Variants in GRID2 observed in about 807,000 individuals in gnomAD.
GRID2 encodes glutamate receptor ionotropic, delta-2.
In GRID2, 33 loss-of-function variants were observed where a neutral mutation model predicts 114.8. The ratio of observed to expected loss-of-function variants is 0.29; its 90% CI spans 0.22 to 0.38. The LOEUF is 0.38. GRID2 is among the 10% of genes least tolerant of loss of function. GRID2 has a pLI of 1.00. For missense variants in GRID2, 1,184 were observed against 1,257.7 expected, an observed-to-expected ratio of 0.94 and a Z score of 0.89; for synonymous variants, 505 against 449.9, an observed-to-expected ratio of 1.12 and a Z score of -1.55.
chr4:93,584,699 C>T (rs1279412155), intron 13 of GRID2, among the ~76,000 whole-genome samples: 1 of 152,064 alleles, frequency 6.6e-6, no homozygotes, highest in African/African-American at 2.4e-5. Flanking sequence ...ATGATACCAT[C>T]CATTTGCTCC....
chr4:93,545,393 C>A (rs1400877131), intron 13 of GRID2, among the ~76,000 whole-genome samples: 3 of 152,040 alleles, frequency 2.0e-5, no homozygotes, highest in Admixed American at 2.0e-4. Flanking sequence ...GTCAGAGAGA[C>A]CAACAAGTTC....
chr4:93,573,626 T>G (rs1470415404), intron 13 of GRID2, among the ~76,000 whole-genome samples: 3 of 152,188 alleles, frequency 2.0e-5, no homozygotes, highest in Non-Finnish European at 4.4e-5. Flanking sequence ...TTGCTGCTGC[T>G]GGACTTTTTA....
intron 2 of GRID2, among the ~76,000 whole-genome samples, chr4:92,749,475 T>C (rs967296704): frequency 1.3e-5 from 2 of 151,400 alleles, no homozygotes; most frequent in Non-Finnish European, 2.9e-5. Flanking sequence ...CCACCACACC[T>C]GGCTAATTTT....
Position 93,159,204 on chromosome 4 carries a change from T to C in GRID2, c.736-48200T>C, listed in dbSNP as rs535354999. On this transcript the variant is annotated intron_variant, in intron 4 of 15. Transcript: ENST00000282020. ...GCTTGAGGAAATAGATGATTGTACT[T>C]GTACTGGTCAAATTACTAAAGAATC... Among the ~76,000 whole-genome samples the C allele has an allele frequency of 2.0e-5, 3 of 151,838 alleles. No homozygotes were observed. The South Asian group carries it at 6.2e-4, about 31-fold the overall frequency.
intron 2 of GRID2, among the ~76,000 whole-genome samples, chr4:92,812,595 T>A (rs1294717407): frequency 6.6e-6 from 1 of 152,114 alleles, no homozygotes; most frequent in Admixed American, 6.6e-5. Context: ...TACCCCTGTT[T>A]TAATAAAGCA....
intron 4 of GRID2, among the ~76,000 whole-genome samples, chr4:93,150,140 G>A (rs75734637): frequency 0.057 from 8,732 of 152,128 alleles, 714 homozygotes; most frequent in African/African-American, 0.18. Flanking sequence ...AACTCATCTG[G>A]TCAGTTAATG....
At chr4:92,636,281 G>A (rs938850846) in intron 2 of GRID2, among the ~76,000 whole-genome samples, 5 of 151,086 alleles carry the variant, frequency 3.3e-5, no homozygotes, top group African/African-American at 1.2e-4. Flanking sequence ...CTGTCGCAGG[G>A]TGACATAGTA....
At chr4:92,915,754 C>T (rs1419976668) in intron 2 of GRID2, among the ~76,000 whole-genome samples, 1 of 152,050 alleles carries the variant, frequency 6.6e-6, no homozygotes, top group Non-Finnish European at 1.5e-5. Flanking sequence ...TAATAGTAGC[C>T]ATTCTGTCTG....
At chr4:92,868,007 A>G (rs1744997765) in intron 2 of GRID2, among the ~76,000 whole-genome samples, 1 of 151,114 alleles carries the variant, frequency 6.6e-6, no homozygotes, top group South Asian at 2.1e-4. Flanking sequence ...GGCAAATGAT[A>G]CTGAAAGGTT....
At chr4:92,459,430 A>G (rs990689733) in intron 1 of GRID2, among the ~76,000 whole-genome samples, 2 of 152,198 alleles carry the variant, frequency 1.3e-5, no homozygotes, top group Non-Finnish European at 2.9e-5. Flanking sequence ...TTTGTTTGCA[A>G]TCTACCTTCA....
chr4:92,465,095 T>C (rs1056158034), intron 1 of GRID2, among the ~76,000 whole-genome samples: 1 of 152,136 alleles, frequency 6.6e-6, no homozygotes, highest in African/African-American at 2.4e-5. Context: ...CTGTATAGCC[T>C]GTGGAACTCT....
At chr4:93,547,276 G>A (rs887163143) in intron 13 of GRID2, among the ~76,000 whole-genome samples, 1 of 152,122 alleles carries the variant, frequency 6.6e-6, no homozygotes, top group Non-Finnish European at 1.5e-5. Flanking sequence ...GGGGATGGAA[G>A]GATCATCTCC....
intron 2 of GRID2, among the ~76,000 whole-genome samples, chr4:92,723,526 ATG>A (rs1010834117): frequency 6.6e-6 from 1 of 152,164 alleles, no homozygotes; most frequent in African/African-American, 2.4e-5. Context: ...TGACAGAAAT[ATG>A]TCTTTTTTCA....
At chr4:92,993,399 T>C (rs1755021981) in intron 2 of GRID2, among the ~76,000 whole-genome samples, 2 of 152,138 alleles carry the variant, frequency 1.3e-5, no homozygotes, top group South Asian at 4.1e-4. Flanking sequence ...TGTCCCTACT[T>C]ACCTCACCTC....
intron 2 of GRID2, among the ~76,000 whole-genome samples, chr4:93,034,009 G>A (rs899742131): frequency 2.0e-5 from 3 of 152,252 alleles, no homozygotes; most frequent in Non-Finnish European, 2.9e-5. Flanking sequence ...AAGATGAATC[G>A]TCAGCTCTCC....
intron 2 of GRID2, among the ~76,000 whole-genome samples, chr4:92,981,359 C>T (rs570281474): frequency 6.6e-6 from 1 of 152,064 alleles, no homozygotes; most frequent in East Asian, 1.9e-4. Flanking sequence ...TTAGATGTAG[C>T]AGTTAATGCG....
In GRID2 at chr4:92,886,876, C is replaced by T. The variant is rs575813418; in HGVS notation, c.245-198119C>T. ...ACCTGACCTCGTGATCCACCCGCCT[C>T]GGCCTCCCAAAGTGCTGGGATTATA... On this transcript the variant is annotated intron_variant, in intron 2 of 15. Coordinates refer to ENST00000282020, the MANE Select transcript of GRID2 (RefSeq NM_001510.4). Among the ~76,000 whole-genome samples, 5 of 152,232 alleles carry T rather than the reference C, an allele frequency of 3.3e-5. No individual in the cohort carries two copies. The South Asian group carries it at 8.3e-4, about 25-fold the overall frequency.
chr4:93,775,705 T>A (rs1466439559), downstream of GRID2, among the ~76,000 whole-genome samples: 1 of 152,218 alleles, frequency 6.6e-6, no homozygotes, highest in Admixed American at 6.5e-5. Context: ...ACCCCACTGG[T>A]GAATCATTAA....
intron 13 of GRID2, among the ~76,000 whole-genome samples, chr4:93,573,586 C>T (rs1320100015): frequency 6.6e-6 from 1 of 152,132 alleles, no homozygotes; most frequent in Non-Finnish European, 1.5e-5. Context: ...GCCAGATCCT[C>T]CTTAGTAAAG....
Sources: allele counts gnomAD v4.1 joint callset (sites outside exome capture counted in the v4.1 genomes callset), GRCh38; gene constraint gnomAD v4.1.1; transcripts MANE v1.5; gene names NCBI Gene and HGNC (gene_info 2026-07-23, HGNC 2026-07-21).